DEPDC5: variants seen among roughly 807,000 people sequenced by gnomAD.
DEPDC5 encodes GATOR1 complex protein DEPDC5.
DEPDC5 carries 73 observed loss-of-function variants against 217.3 expected under a neutral mutation model. That is an observed-to-expected ratio of 0.34 (90% CI 0.28 to 0.41). The LOEUF (loss-of-function observed/expected upper bound fraction) is 0.41. DEPDC5 is among the 10% of genes least tolerant of loss of function. DEPDC5 has a pLI of 1.00. For missense variants in DEPDC5, 1,675 were observed against 2,070.1 expected, an observed-to-expected ratio of 0.81 and a Z score of 3.70; for synonymous variants, 733 against 756.7, an observed-to-expected ratio of 0.97 and a Z score of 0.51.
chr22:31,846,739 G>A (rs879118543), intron 30 of DEPDC5, 95 bp from the exon 31 acceptor site: 22 of 1,559,600 alleles, frequency 1.4e-5, no homozygotes, highest in East Asian at 9.0e-5. Context: ...TGGGATTCCC[G>A]GGGCCTGGGA....
intron 41 of DEPDC5, among the ~76,000 whole-genome samples, chr22:31,904,099 T>G (rs1011180464): frequency 2.6e-5 from 4 of 152,096 alleles, no homozygotes; most frequent in Admixed American, 6.5e-5. Context: ...TTCATCTTCC[T>G]CAGCCCCTAG....
rs368375649 is a variant in DEPDC5, at chr22:31,843,132, G to C, written c.2553G>C (p.Gln851His). 7.4e-5 allele frequency: 120 copies of C among 1,614,044 alleles called. No homozygotes were observed. The highest frequency in any genetic ancestry group is 9.7e-5 in the Non-Finnish European group (114 of 1,180,044). ...GAAACCGCCCTGAGGAGGAGGACCAGTATTGGCTGAGTATGGGCAGAACGT... is the reference window on the plus strand; with the variant it reads ...GAAACCGCCCTGAGGAGGAGGACCACTATTGGCTGAGTATGGGCAGAACGT... ...VSRNRPEEED[Q>H]YWLSMGRTFH... The change falls in exon 28 of 43, where the codon CAG (glutamine) becomes CAC (histidine). Residue 851 changes from glutamine (Q) to histidine (H), a missense_variant. This residue lies in a region of DEPDC5 where 293 missense variants were observed against 386.1 expected (regional missense o/e 0.76). Transcript: ENST00000651528.
At chr22:31,873,131 T>G (rs766734141) in intron 34 of DEPDC5, 124 bp from the exon 35 acceptor site, 1 of 1,548,356 alleles carries the variant, frequency 6.5e-7, no homozygotes, top group South Asian at 1.2e-5. Flanking sequence ...TTTACTAAAA[T>G]GCCTTTAGTG....
At chr22:31,770,984 T>C (rs1416775582) in intron 7 of DEPDC5, among the ~76,000 whole-genome samples, 1 of 152,028 alleles carries the variant, frequency 6.6e-6, no homozygotes, top group East Asian at 1.9e-4. Flanking sequence ...GGTTTCACCA[T>C]GTTGGCCAGG....
At chr22:31,758,700 A>C (rs2082135057) in intron 3 of DEPDC5, 67 bp downstream of exon 3, 2 of 1,453,544 alleles carry the variant, frequency 1.4e-6, no homozygotes, top group East Asian at 4.5e-5. Context: ...CAAGGCAGAT[A>C]GCTCTCTTTG....
rs1490898413 is a variant in DEPDC5 at position 31,873,051 on chromosome 22, G to A, written c.3486-204G>A. On this transcript the variant is annotated intron_variant, in intron 34 of 42. Transcript: ENST00000651528. ...ATTACAGACGTAAGCCACCAAACCCGGCCCTAAATGTGTATATTTTAAAAT... is the reference window on the plus strand; with the variant it reads ...ATTACAGACGTAAGCCACCAAACCCAGCCCTAAATGTGTATATTTTAAAAT... 2.7e-5 allele frequency: 27 copies of A among 990,322 alleles called. No homozygotes were observed. The East Asian group carries it at 6.0e-4, about 22-fold the overall frequency. The allele number at this position is 990,322 out of a possible 1,614,324, so 61.3% of individuals were successfully genotyped here.
chr22:31,822,583 A>G, intron 23 of DEPDC5, 110 bp from the exon 24 acceptor site: 1 of 1,000,072 alleles, frequency 1.0e-6, no homozygotes, highest in Non-Finnish European at 1.5e-6. Flanking sequence ...TTGGCTGAAT[A>G]TTCAGGCCTG....
chr22:31,819,927 T>G (rs947147035), intron 22 of DEPDC5, among the ~76,000 whole-genome samples: 1 of 152,158 alleles, frequency 6.6e-6, no homozygotes, highest in Non-Finnish European at 1.5e-5. Context: ...TTCTGTTAGG[T>G]CTCTCTGACA....
At chr22:31,845,882 A>G (rs2091704620) in intron 30 of DEPDC5, among the ~76,000 whole-genome samples, 1 of 148,562 alleles carries the variant, frequency 6.7e-6, no homozygotes, top group African/African-American at 2.5e-5. Flanking sequence ...TTTTTTCGAG[A>G]CAAGGTCTCA....
chr22:31,804,760 A>G (rs1198462401), intron 16 of DEPDC5, 82 bp from the exon 17 acceptor site: 28 of 1,455,248 alleles, frequency 1.9e-5, no homozygotes, highest in Non-Finnish European at 2.6e-5. Context: ...TTTTTTAAAA[A>G]CCTGAAAAAC....
Position 31,809,646 on chromosome 22 carries a change from A to C in DEPDC5, c.1323A>C (p.Thr441=), listed in dbSNP as rs5998135. The change falls in exon 19 of 43, where the codon ACA becomes ACC. Residue 441 remains threonine, a splice_region_variant and synonymous_variant. Transcript: ENST00000651528. ...ASEKAKNGRD[T]SLGSPKESEN... is the part of the protein sequence containing the mutation. ...AGAAAGCAAAAAATGGCCGTGATACATGTGAGTATTTTTTGAGATTTTTTT... is the reference window on the plus strand; with the variant it reads ...AGAAAGCAAAAAATGGCCGTGATACCTGTGAGTATTTTTTGAGATTTTTTT... The C allele has an allele frequency of 0.1, 161,661 of 1,613,484 alleles. 8,690 individuals are homozygous for C. The highest frequency in any genetic ancestry group is 0.17 in the Admixed American group (10,388 of 59,976).
At chr22:31,837,728 G>A (rs2091115959) in intron 26 of DEPDC5, among the ~76,000 whole-genome samples, 1 of 151,438 alleles carries the variant, frequency 6.6e-6, no homozygotes, top group East Asian at 1.9e-4. Context: ...TTGAGACAGA[G>A]TCTCACTCTG....
At chr22:31,777,411 C>T (rs2083986053) in intron 7 of DEPDC5, among the ~76,000 whole-genome samples, 1 of 150,728 alleles carries the variant, frequency 6.6e-6, no homozygotes. Context: ...CAGGCGCATG[C>T]CACCACGCCC....
intron 38 of DEPDC5, among the ~76,000 whole-genome samples, chr22:31,885,362 G>A (rs2093280396): frequency 2.6e-5 from 4 of 152,078 alleles, no homozygotes; most frequent in South Asian, 2.1e-4. Flanking sequence ...CTTTCCTTCC[G>A]CCTGGGGCAC....
chr22:31,810,998 C>T (rs1009179968), intron 20 of DEPDC5, among the ~76,000 whole-genome samples: 1 of 152,042 alleles, frequency 6.6e-6, no homozygotes, highest in Non-Finnish European at 1.5e-5. Flanking sequence ...TGGTCTCGAA[C>T]TCCCGACCTC....
chr22:31,869,358 G>C (rs1308810988), intron 33 of DEPDC5, among the ~76,000 whole-genome samples: 2 of 151,998 alleles, frequency 1.3e-5, no homozygotes. Flanking sequence ...CGGGCGGACT[G>C]AATCGGAACA....
At chr22:31,894,642 C>G (rs1467099584) in intron 39 of DEPDC5, 2 of 152,090 alleles carry the variant, frequency 1.3e-5, no homozygotes. Context: ...GTCAGGAGTT[C>G]AAAACCAGCC....
rs180727489 is a variant in DEPDC5 at position 31,766,774 on chromosome 22, A to G, written c.363+106A>G. ...AAATCGTTTCTGATTTTATATCAGC[A>G]TCTACAGACAATTATTGTCAACGTC... is the stretch of plus-strand genomic sequence containing the variant. On this transcript the variant is annotated intron_variant, in intron 6 of 42. Coordinates refer to ENST00000651528, the MANE Select transcript of DEPDC5 (RefSeq NM_001242896.3). 0.012 allele frequency: 11,292 copies of G among 927,360 alleles called. 120 individuals are homozygous for G. The highest frequency in any genetic ancestry group is 0.014 in the Non-Finnish European group (8,011 of 590,246). The allele number at this position is 927,360 out of a possible 1,614,324, so 57.4% of individuals were successfully genotyped here. A position where few individuals can be genotyped will look rare whatever the true frequency, so the allele number is the denominator to read the frequency against.
In DEPDC5 at chr22:31,898,477, T is replaced by C. The variant is rs567791135; in HGVS notation, c.4375+824T>C. Reference sequence around the variant, plus strand: ...AACGCAAAGCTAGGGTTGATGCTGATACGTCAGGAGCCCTGAGGTTTCTCA... The same window carrying C: ...AACGCAAAGCTAGGGTTGATGCTGACACGTCAGGAGCCCTGAGGTTTCTCA... On this transcript the variant is annotated intron_variant, in intron 40 of 42. Coordinates refer to ENST00000651528, the MANE Select transcript of DEPDC5 (RefSeq NM_001242896.3). Among the ~76,000 whole-genome samples, 4 of 152,326 alleles carry C rather than the reference T, an allele frequency of 2.6e-5. No individual in the cohort carries two copies. The East Asian group carries it at 7.7e-4, about 29-fold the overall frequency.
Sources: allele counts gnomAD v4.1 joint callset (sites outside exome capture counted in the v4.1 genomes callset), GRCh38; gene constraint gnomAD v4.1.1; regional missense constraint gnomAD v4.1.1; transcripts MANE v1.5; gene names NCBI Gene and HGNC (gene_info 2026-07-23, HGNC 2026-07-21).